The following IDNK variants were observed in gnomAD, a reference collection of about 807,000 sequenced individuals.
IDNK encodes the protein gluconokinase.
IDNK carries 9 observed loss-of-function variants against 13.0 expected under a neutral mutation model. The observed-to-expected ratio is 0.69, with a 90% confidence interval of 0.42 to 1.21. IDNK has a LOEUF of 1.21. Among genes scored for constraint, IDNK ranks in the 50% most tolerant of loss-of-function variants. The pLI is 0.00. For synonymous variants in IDNK, 92 were observed against 94.9 expected, an observed-to-expected ratio of 0.97 and a Z score of 0.18; for missense variants, 210 against 237.8, an observed-to-expected ratio of 0.88 and a Z score of 0.77.
intron 3 of IDNK, among the ~76,000 whole-genome samples, chr9:83,636,494 G>A (rs1009932300): frequency 6.6e-6 from 1 of 152,146 alleles, no homozygotes; most frequent in African/African-American, 2.4e-5. Flanking sequence ...AATGTAGACT[G>A]CCCAACTTTT....
intron 3 of IDNK, among the ~76,000 whole-genome samples, chr9:83,638,892 T>A (rs1554724256): frequency 6.6e-6 from 1 of 152,098 alleles, no homozygotes; most frequent in Non-Finnish European, 1.5e-5. Flanking sequence ...TCAAATAACT[T>A]GAAAAATTGA....
At chr9:83,628,329 G>A in intron 2 of IDNK, 118 bp downstream of exon 2, 2 of 907,618 alleles carry the variant, frequency 2.2e-6, no homozygotes, top group Non-Finnish European at 3.5e-6. Flanking sequence ...AACCCCACTG[G>A]AGCAATTTTG....
intron 3 of IDNK, 135 bp from the exon 4 acceptor site, chr9:83,641,413 C>A: frequency 1.1e-6 from 1 of 874,832 alleles, no homozygotes; most frequent in South Asian, 1.6e-5. Flanking sequence ...CAGCCTTGTG[C>A]ATGGCCCACT....
intron 1 of IDNK, chr9:83,626,777 T>C: frequency 8.5e-7 from 1 of 1,175,374 alleles, no homozygotes; most frequent in African/African-American, 1.6e-5. Flanking sequence ...CCATGGAGTT[T>C]GGCCGGGATG....
At chr9:83,628,313 G>A in intron 2 of IDNK, 102 bp downstream of exon 2, 1 of 1,038,482 alleles carries the variant, frequency 9.6e-7, no homozygotes, top group Non-Finnish European at 1.5e-6. Flanking sequence ...CTTCCACATG[G>A]CTTTGAACCC....
intron 3 of IDNK, 37 bp from the exon 4 acceptor site, chr9:83,641,511 C>G: frequency 6.2e-7 from 1 of 1,609,516 alleles, no homozygotes; most frequent in South Asian, 1.1e-5. Context: ...CTGGAGAAGT[C>G]ACGTTGTGTC....
rs1831375755 is a variant in IDNK, at chr9:83,643,569, A to G, written c.353A>G (p.Gln118Arg). Residue 118 changes from glutamine to arginine, a missense_variant, in exon 5 of 5, where the codon CAG becomes CGG. Physicochemically the swap from Gln to Arg is conservative, Grantham distance 43. Coordinates refer to ENST00000376419, the MANE Select transcript of IDNK (RefSeq NM_001001551.4). ...SGKEAKQAEMQLLVVHLSGSF... is the reference protein window; with the variant it reads ...SGKEAKQAEMRLLVVHLSGSF... Reference sequence around the variant, plus strand: ...AAGGAAGCAAAGCAGGCTGAGATGCAGCTCCTGGTGGTCCATCTGAGCGGG... The same window carrying G: ...AAGGAAGCAAAGCAGGCTGAGATGCGGCTCCTGGTGGTCCATCTGAGCGGG... The G allele has an allele frequency of 6.2e-7, 1 of 1,613,914 alleles. No individual in the cohort carries two copies. The highest frequency in any genetic ancestry group is 8.5e-7 in the Non-Finnish European group (1 of 1,180,014).
chr9:83,626,300 G>T (rs939090302), intron 1 of IDNK: 2 of 229,886 alleles, frequency 8.7e-6, no homozygotes, highest in East Asian at 3.4e-4. Context: ...ACAGACAGTG[G>T]TTTTTCTTTT....
intron 1 of IDNK, among the ~76,000 whole-genome samples, chr9:83,624,774 T>G (rs1425237192): frequency 1.3e-5 from 2 of 151,854 alleles, no homozygotes; most frequent in African/African-American, 4.8e-5. Context: ...AGTGCAGTGG[T>G]GCAATCTTGG....
At chr9:83,635,908 C>T (rs1168980857) in intron 3 of IDNK, among the ~76,000 whole-genome samples, 2 of 152,194 alleles carry the variant, frequency 1.3e-5, no homozygotes, top group Admixed American at 6.5e-5. Context: ...GTACATGCCA[C>T]ATTTTTATAG....
chr9:83,642,900 G>A (rs918877836), intron 4 of IDNK, among the ~76,000 whole-genome samples: 5 of 151,976 alleles, frequency 3.3e-5, no homozygotes, highest in African/African-American at 9.7e-5. Flanking sequence ...CTTCTCTCCC[G>A]CTTTCTCCAG....
intron 3 of IDNK, among the ~76,000 whole-genome samples, chr9:83,640,206 C>G (rs1246571468): frequency 1.3e-5 from 2 of 152,110 alleles, no homozygotes; most frequent in African/African-American, 4.8e-5. Context: ...GCCCCAGGCC[C>G]AGAAGGTTTT....
At chr9:83,643,110 T>TA (rs993784989) in intron 4 of IDNK, among the ~76,000 whole-genome samples, 1 of 152,200 alleles carries the variant, frequency 6.6e-6, no homozygotes, top group African/African-American at 2.4e-5. Context: ...AACTAACACT[T>TA]ACTGAGCATA....
chr9:83,639,646 A>G (rs1831250219), intron 3 of IDNK, among the ~76,000 whole-genome samples: 1 of 152,200 alleles, frequency 6.6e-6, no homozygotes, highest in Non-Finnish European at 1.5e-5. Flanking sequence ...AAACTGGATA[A>G]TTTCAGTGAA....
intron 4 of IDNK, among the ~76,000 whole-genome samples, chr9:83,641,885 GAATT>G (rs1310936690): frequency 6.6e-6 from 1 of 152,204 alleles, no homozygotes; most frequent in Non-Finnish European, 1.5e-5. Context: ...AGTAAAATGG[GAATT>G]AATATAGTTC....
intron 2 of IDNK, 22 bp from the exon 3 acceptor site, chr9:83,628,851 C>T: frequency 1.3e-6 from 2 of 1,574,312 alleles, no homozygotes; most frequent in Non-Finnish European, 8.7e-7. Flanking sequence ...GCCACATACA[C>T]CCTTTCACTT....
chr9:83,639,850 T>C (rs1007457721), intron 3 of IDNK, among the ~76,000 whole-genome samples: 1 of 152,184 alleles, frequency 6.6e-6, no homozygotes, highest in East Asian at 1.9e-4. Flanking sequence ...TTTGAAGTAA[T>C]GACAAAGGTG....
chr9:83,634,691 G>A (rs1416746979), intron 3 of IDNK, among the ~76,000 whole-genome samples: 1 of 152,168 alleles, frequency 6.6e-6, no homozygotes, highest in Non-Finnish European at 1.5e-5. Context: ...CAAGCAAATA[G>A]AAATATTTGT....
intron 3 of IDNK, 55 bp downstream of exon 3, chr9:83,629,014 G>C: frequency 1.4e-6 from 2 of 1,392,806 alleles, no homozygotes; most frequent in South Asian, 2.3e-5. Flanking sequence ...GACAGGATGA[G>C]CTCGCTACAG....
Sources: allele counts gnomAD v4.1 joint callset (sites outside exome capture counted in the v4.1 genomes callset), GRCh38; gene constraint gnomAD v4.1.1; transcripts MANE v1.5; gene names NCBI Gene and HGNC (gene_info 2026-07-23, HGNC 2026-07-21).